Variants in LRIG3 observed in about 807,000 individuals in gnomAD.
LRIG3 encodes leucine rich repeats and immunoglobulin like domains 3.
A neutral mutation model predicts 114.5 loss-of-function variants in LRIG3; 76 were observed. The ratio of observed to expected loss-of-function variants is 0.66; its 90% CI spans 0.55 to 0.80. The LOEUF (loss-of-function observed/expected upper bound fraction) is 0.80. LRIG3 is among the 30% of genes least tolerant of loss of function. The probability of loss-of-function intolerance (pLI) is 0.00; values close to 1 mark genes in which losing one functional copy is unlikely to be tolerated. For synonymous variants in LRIG3, 512 were observed against 519.8 expected (o/e 0.98, Z 0.20); for missense variants, 1,239 against 1,382.8 (o/e 0.90, Z 1.65).
Position 58,888,858 on chromosome 12 carries a change from A to G in LRIG3, c.764T>C (p.Met255Thr), listed in dbSNP as rs890243456. 1.3e-5 allele frequency: 21 copies of G among 1,613,758 alleles called. No individual in the cohort carries two copies. The highest frequency in any genetic ancestry group is 2.2e-5 in the East Asian group (1 of 44,864). Residue 255 changes from methionine (M) to threonine (T), a missense_variant, in exon 6 of 19, where the codon ATG becomes ACG. Physicochemically the swap from Met to Thr is moderately conservative, Grantham distance 81. Coordinates refer to ENST00000320743, the MANE Select transcript of LRIG3 (RefSeq NM_153377.5). Reference sequence around the variant, plus strand: ...GCTCAGCCCCCAAAAAGCTCCATCCATAAGTTTCGTTACTCCATTTCTTTG... The same window carrying G: ...GCTCAGCCCCCAAAAAGCTCCATCCGTAAGTTTCGTTACTCCATTTCTTTG... ...KMQRNGVTKL[M>T]DGAFWGLSNM...
intron 15 of LRIG3, among the ~76,000 whole-genome samples, chr12:58,877,168 T>C (rs1870949449): frequency 6.6e-6 from 1 of 152,226 alleles, no homozygotes; most frequent in Non-Finnish European, 1.5e-5. Flanking sequence ...ACTTGGATTT[T>C]ATCTCACAGC....
intron 3 of LRIG3, among the ~76,000 whole-genome samples, chr12:58,901,418 T>C (rs1195173789): frequency 6.6e-6 from 1 of 152,206 alleles, no homozygotes; most frequent in Non-Finnish European, 1.5e-5. Flanking sequence ...TGGAGCGGAC[T>C]TTAAGGCTCT....
At position 58,872,407 on chromosome 12, in the gene LRIG3, T is replaced by A. The variant is rs1025903325; in HGVS notation, c.*165A>T. On this transcript the variant is annotated 3_prime_UTR_variant, in exon 19 of 19. Coordinates refer to ENST00000320743, the MANE Select transcript of LRIG3 (RefSeq NM_153377.5). Reference sequence around the variant, plus strand: ...TCTTATATGAGCATCATTCCCAGTATAAAAATTTTCATAACTTTTTGTAAT... The same window carrying A: ...TCTTATATGAGCATCATTCCCAGTAAAAAAATTTTCATAACTTTTTGTAAT... 1 of 647,298 alleles carries A rather than the reference T, an allele frequency of 1.5e-6. No individual in the cohort carries two copies. Among genetic ancestry groups the A allele is most frequent in the Admixed American group, 3.8e-5 (1 of 26,316 alleles). 40.1% of individuals were successfully genotyped at this position (647,298 alleles called of 1,614,324 possible).
At chr12:58,873,368 T>C (rs1296308860) in intron 18 of LRIG3, among the ~76,000 whole-genome samples, 2 of 152,212 alleles carry the variant, frequency 1.3e-5, no homozygotes, top group Non-Finnish European at 2.9e-5. Context: ...TAACATTTCG[T>C]AGAAGTTGGG....
At chr12:58,919,223 C>T (rs1208053363) in intron 1 of LRIG3, among the ~76,000 whole-genome samples, 1 of 152,156 alleles carries the variant, frequency 6.6e-6, no homozygotes, top group African/African-American at 2.4e-5. Context: ...TTGTTCTTCA[C>T]GCAGTTGGCA....
chr12:58,872,884 C>T lies in LRIG3; in HGVS notation c.3116-68G>A, dbSNP rs1303566234. 4 of 1,546,368 alleles carry T rather than the reference C, an allele frequency of 2.6e-6. No homozygotes were observed. In the African/African-American group the frequency reaches 4.2e-5, roughly 16 times the overall value. On this transcript the variant is annotated intron_variant, in intron 18 of 18. Coordinates refer to ENST00000320743, the MANE Select transcript of LRIG3 (RefSeq NM_153377.5). ...GCATGTGAATCAATAAAACCCATTG[C>T]AAATGAAGGAACATCTTACCCCATG... is the stretch of plus-strand genomic sequence containing the variant.
At chr12:58,902,459 A>T (rs1871890370) in intron 3 of LRIG3, among the ~76,000 whole-genome samples, 1 of 152,146 alleles carries the variant, frequency 6.6e-6, no homozygotes, top group South Asian at 2.1e-4. Flanking sequence ...CACTCTAGAG[A>T]CTGCTCTATC....
chr12:58,877,313 GACTGCAAGAC>G, intron 15 of LRIG3, 77 bp downstream of exon 15: 6 of 1,349,580 alleles, frequency 4.4e-6, no homozygotes, highest in Non-Finnish European at 6.2e-6. Flanking sequence ...GATGAACTCA[GACTGCAAGAC>G]ACACGTTCTA....
intron 1 of LRIG3, chr12:58,919,373 C>T (rs1412395628): frequency 6.4e-7 from 1 of 1,550,850 alleles, no homozygotes; most frequent in East Asian, 2.4e-5. Flanking sequence ...GAGTTCCGCC[C>T]TTTCCATAGC....
chr12:58,889,150 T>C (rs562429728), intron 5 of LRIG3, among the ~76,000 whole-genome samples, 188 bp from the exon 6 acceptor site: 4 of 152,350 alleles, frequency 2.6e-5, no homozygotes, highest in African/African-American at 9.6e-5. Context: ...CCTACTGAAA[T>C]GTGTCATGTG....
chr12:58,894,350 C>G (rs1240224587), intron 3 of LRIG3, among the ~76,000 whole-genome samples: 1 of 152,102 alleles, frequency 6.6e-6, no homozygotes, highest in Non-Finnish European at 1.5e-5. Flanking sequence ...GAATTAAATC[C>G]AAATACTCGT....
At position 58,906,126 on chromosome 12, in the gene LRIG3, A is replaced by G. The variant is rs142406185; in HGVS notation, c.383+7856T>C. Among the ~76,000 whole-genome samples the G allele has an allele frequency of 2.0e-5, 3 of 152,272 alleles. No individual in the cohort carries two copies. In the East Asian group the frequency reaches 5.8e-4, roughly 29 times the overall value. The stretch of plus-strand genomic sequence containing the variant: ...TCAGATCAGAGTATAAGGATGGGAT[A>G]TGGTTTCTGTCCACTTAATAAAAAC... On this transcript the variant is annotated intron_variant, in intron 3 of 18. Coordinates refer to ENST00000320743, the MANE Select transcript of LRIG3 (RefSeq NM_153377.5).
chr12:58,915,023 C>T (rs1176406310), intron 1 of LRIG3, among the ~76,000 whole-genome samples: 1 of 152,188 alleles, frequency 6.6e-6, no homozygotes, highest in African/African-American at 2.4e-5. Flanking sequence ...GTGCTTCTTA[C>T]TCAATAACTC....
chr12:58,900,986 A>G (rs1645860895), intron 3 of LRIG3, among the ~76,000 whole-genome samples: 1 of 152,216 alleles, frequency 6.6e-6, no homozygotes, highest in Non-Finnish European at 1.5e-5. Flanking sequence ...CGACATTTGT[A>G]TGAACATAGA....
intron 12 of LRIG3, among the ~76,000 whole-genome samples, 159 bp from the exon 13 acceptor site, chr12:58,881,060 C>T (rs2120886533): frequency 6.6e-6 from 1 of 152,280 alleles, no homozygotes. Flanking sequence ...TGAAATGATA[C>T]ACTGGGAGAG....
chr12:58,872,781 C>T lies in LRIG3; in HGVS notation c.3151G>A (p.Asp1051Asn), dbSNP rs754342100. 18 of 1,614,014 alleles carry T rather than the reference C, an allele frequency of 1.1e-5. No individual in the cohort carries two copies. Among genetic ancestry groups the T allele is most frequent in the Non-Finnish European group, 1.5e-5 (18 of 1,179,904 alleles). Residue 1051 changes from aspartate to asparagine, a missense_variant, in exon 19 of 19, where the codon GAT becomes AAT. Asp to Asn is a conservative substitution (Grantham distance 23). Transcript: ENST00000320743. ...FGKALRRPHL[D>N]AYSSFGQPSD... The stretch of plus-strand genomic sequence containing the variant: ...GGCTGTCCAAAGCTTGAATAGGCAT[C>T]TAGGTGAGGTCTCCTGAGAGCTTTT...
At chr12:58,887,699 C>T in intron 8 of LRIG3, 90 bp downstream of exon 8, 6 of 1,427,174 alleles carry the variant, frequency 4.2e-6, no homozygotes, top group Non-Finnish European at 5.8e-6. Context: ...TATGCATTTC[C>T]TTGACAACAA....
At chr12:58,882,735 C>T in intron 12 of LRIG3, 134 bp downstream of exon 12, 1 of 895,328 alleles carries the variant, frequency 1.1e-6, no homozygotes, top group South Asian at 2.5e-5. Flanking sequence ...AAACTATAGA[C>T]CCATTTTCCT....
intron 1 of LRIG3, among the ~76,000 whole-genome samples, chr12:58,918,468 T>C (rs539861039): frequency 1.4e-4 from 22 of 152,298 alleles, no homozygotes; most frequent in Non-Finnish European, 2.2e-4. Context: ...ATGATCACAA[T>C]AGACAACTTG....
Sources: allele counts gnomAD v4.1 joint callset (sites outside exome capture counted in the v4.1 genomes callset), GRCh38; gene constraint gnomAD v4.1.1; transcripts MANE v1.5; gene names NCBI Gene and HGNC (gene_info 2026-07-23, HGNC 2026-07-21).